The following ABAT variants were observed in gnomAD, a reference collection of about 807,000 sequenced individuals.
ABAT encodes the protein 4-aminobutyrate aminotransferase.
Under a neutral mutation model 64.6 loss-of-function variants are expected in ABAT, and 45 were observed. That is an observed-to-expected ratio of 0.70 (90% CI 0.55 to 0.89). The LOEUF is 0.89. Among genes scored for constraint, ABAT ranks in the 40% least tolerant of loss-of-function variants. The probability of loss-of-function intolerance (pLI) is 0.00; values close to 1 mark genes in which losing one functional copy is unlikely to be tolerated. For missense variants in ABAT, 633 were observed against 658.4 expected (o/e 0.96, Z 0.42); for synonymous variants, 297 against 250.5 (o/e 1.19, Z -1.75).
At chr16:8,766,884 G>T (rs969994284) in intron 9 of ABAT, among the ~76,000 whole-genome samples, 3 of 151,514 alleles carry the variant, frequency 2.0e-5, no homozygotes, top group Non-Finnish European at 4.4e-5. Flanking sequence ...CAGGAGAATC[G>T]CTTGAACCCG....
intron 1 of ABAT, among the ~76,000 whole-genome samples, chr16:8,719,053 C>T (rs546051838): frequency 6.4e-4 from 98 of 152,248 alleles, no homozygotes; most frequent in African/African-American, 2.2e-3. Context: ...ACGGGAAGTG[C>T]GTTTCCTCCA....
chr16:8,713,292 A>G (rs2058120227), intron 1 of ABAT: 1 of 152,428 alleles, frequency 6.6e-6, no homozygotes, highest in South Asian at 2.1e-4. Flanking sequence ...TTAAAAAAAA[A>G]AAAAAATCTA....
rs144814156 is a variant in ABAT at position 8,717,157 on chromosome 16, G to A, written c.-41-18542G>A. On this transcript the variant is annotated intron_variant, in intron 1 of 15. Transcript: ENST00000268251. Reference sequence around the variant, plus strand: ...ATACAAAAATTAGCCAGGAGTGATGGCACACACCTGTCATCCCAGCTACTC... The same window carrying A: ...ATACAAAAATTAGCCAGGAGTGATGACACACACCTGTCATCCCAGCTACTC... 9.7e-3 allele frequency among the ~76,000 whole-genome samples: 1,473 copies of A among 152,172 alleles called. 30 individuals are homozygous for A. Among genetic ancestry groups the A allele is most frequent in the African/African-American group, 0.034 (1,401 of 41,488 alleles).
chr16:8,769,104 C>A, intron 11 of ABAT, 131 bp downstream of exon 11: 2 of 1,297,860 alleles, frequency 1.5e-6, no homozygotes, highest in Non-Finnish European at 2.2e-6. Flanking sequence ...CAGAGGGAAG[C>A]AGGGACACAG....
At position 8,680,914 on chromosome 16, in the gene ABAT, C is replaced by G. The variant is rs538238783; in HGVS notation, c.-42+6203C>G. Among the ~76,000 whole-genome samples, 3 of 151,916 alleles carry G rather than the reference C, an allele frequency of 2.0e-5. No individual in the cohort carries two copies. The South Asian group carries it at 6.2e-4, about 31-fold the overall frequency. On this transcript the variant is annotated intron_variant, in intron 1 of 15. Transcript: ENST00000268251. The stretch of plus-strand genomic sequence containing the variant: ...TTTGCCCATTTTTGAATTGAGTTGT[C>G]TTTTTGTCTTTTTGTTCTTGAGCTG...
chr16:8,769,038 T>C (rs1487242331), intron 11 of ABAT, 65 bp downstream of exon 11: 2 of 1,605,808 alleles, frequency 1.2e-6, no homozygotes, highest in African/African-American at 1.3e-5. Flanking sequence ...GCCCCAAGAC[T>C]TGGGGAGAAG....
At chr16:8,694,894 T>G (rs1053679154) in intron 1 of ABAT, among the ~76,000 whole-genome samples, 2 of 152,202 alleles carry the variant, frequency 1.3e-5, no homozygotes, top group Non-Finnish European at 1.5e-5. Context: ...TCCTAACACC[T>G]GAGTTCCGGT....
chr16:8,692,098 G>C (rs1028792070), intron 1 of ABAT, among the ~76,000 whole-genome samples: 1 of 152,090 alleles, frequency 6.6e-6, no homozygotes, highest in African/African-American at 2.4e-5. Context: ...GTAAAACGTG[G>C]GCCAGTCGCC....
chr16:8,738,616 GT>G (rs772511380), intron 2 of ABAT, among the ~76,000 whole-genome samples: 18 of 117,632 alleles, frequency 1.5e-4, no homozygotes, highest in East Asian at 1.3e-3. Context: ...TTTTGTTTTT[GT>G]TTTTGTTTTT....
At chr16:8,722,872 G>A (rs1279943389) in intron 1 of ABAT, 6 of 1,288,842 alleles carry the variant, frequency 4.7e-6, no homozygotes, top group Middle Eastern at 2.1e-4. Context: ...AAAATGCTGT[G>A]GCAAATTCTC....
chr16:8,733,220 C>CA (rs2058803117), intron 1 of ABAT, among the ~76,000 whole-genome samples: 1 of 151,464 alleles, frequency 6.6e-6, no homozygotes, highest in African/African-American at 2.4e-5. Flanking sequence ...AGGGGCTCCT[C>CA]ACTTCTCAGA....
chr16:8,772,752 G>A lies in ABAT; in HGVS notation c.817-28G>A, dbSNP rs146123244. The A allele has an allele frequency of 1.3e-3, 2,072 of 1,613,780 alleles. 39 individuals are homozygous for A. The East Asian group carries it at 0.035, about 27-fold the overall frequency. The stretch of plus-strand genomic sequence containing the variant: ...ATACTGGTCACAAGCCTCTGCCATC[G>A]GTGGTCACTTTCCCCTTTGGGATCC... On this transcript the variant is annotated intron_variant, in intron 11 of 15. Coordinates refer to ENST00000268251, the MANE Select transcript of ABAT (RefSeq NM_020686.6).
At chr16:8,716,016 A>G (rs575740138) in intron 1 of ABAT, among the ~76,000 whole-genome samples, 1 of 152,318 alleles carries the variant, frequency 6.6e-6, no homozygotes, top group African/African-American at 2.4e-5. Context: ...AACTATGTTC[A>G]TAACTTTTAT....
intron 4 of ABAT, 101 bp from the exon 5 acceptor site, chr16:8,750,317 CAGAT>C: frequency 9.9e-7 from 1 of 1,012,796 alleles, no homozygotes; most frequent in South Asian, 1.3e-5. Flanking sequence ...TGTGTGTCCA[CAGAT>C]AGTCACGATA....
chr16:8,725,618 C>T (rs2058527688), intron 1 of ABAT, among the ~76,000 whole-genome samples: 1 of 152,132 alleles, frequency 6.6e-6, no homozygotes, highest in Non-Finnish European at 1.5e-5. Flanking sequence ...TTCATTCATC[C>T]ACTGATCGAC....
At chr16:8,741,227 A>T (rs900217882) in intron 2 of ABAT, among the ~76,000 whole-genome samples, 1 of 152,262 alleles carries the variant, frequency 6.6e-6, no homozygotes, top group African/African-American at 2.4e-5. Context: ...TTGATCATTC[A>T]GTATTAATTC....
At chr16:8,762,464 A>G (rs1376528532) in intron 6 of ABAT, among the ~76,000 whole-genome samples, 1 of 152,218 alleles carries the variant, frequency 6.6e-6, no homozygotes, top group African/African-American at 2.4e-5. Flanking sequence ...AGAGAGGTTA[A>G]GTGAGTTGCC....
At chr16:8,684,558 A>G (rs1000926316) in intron 1 of ABAT, among the ~76,000 whole-genome samples, 12 of 152,070 alleles carry the variant, frequency 7.9e-5, no homozygotes, top group African/African-American at 2.9e-4. Context: ...TCTCTACAAA[A>G]AATTTTAAAA....
intron 1 of ABAT, among the ~76,000 whole-genome samples, chr16:8,697,654 G>T (rs1299017075): frequency 6.6e-6 from 1 of 150,380 alleles, no homozygotes; most frequent in African/African-American, 2.5e-5. Context: ...TTTTTTTTTG[G>T]AGATGGGGTC....
Sources: gnomAD v4.1 joint callset for allele counts (sites outside exome capture counted in the v4.1 genomes callset) on GRCh38, gnomAD v4.1.1 for gene constraint, MANE v1.5 for transcripts, NCBI Gene and HGNC (gene_info 2026-07-23, HGNC 2026-07-21) for gene names.